Variants in EXOC6B observed in about 807,000 individuals in gnomAD.
EXOC6B encodes exocyst complex component 6B, also known as SEC15 homolog B.
EXOC6B carries 54 observed loss-of-function variants against 113.5 expected under a neutral mutation model. That is an observed-to-expected ratio of 0.48 (90% CI 0.38 to 0.60). The LOEUF (loss-of-function observed/expected upper bound fraction) is 0.60, where lower values mean the gene tolerates loss of function less well. Among genes scored for constraint, EXOC6B ranks in the 20% least tolerant of loss-of-function variants. The probability of loss-of-function intolerance (pLI) is 0.00; values close to 1 mark genes in which losing one functional copy is unlikely to be tolerated. For synonymous variants in EXOC6B, 357 were observed against 339.0 expected, an observed-to-expected ratio of 1.05 and a Z score of -0.58; for missense variants, 797 against 977.5, an observed-to-expected ratio of 0.82 and a Z score of 2.46.
intron 20 of EXOC6B, among the ~76,000 whole-genome samples, chr2:72,235,201 G>A (rs767532262): frequency 1.3e-5 from 2 of 152,158 alleles, no homozygotes; most frequent in Non-Finnish European, 2.9e-5. Flanking sequence ...TATACACCAT[G>A]GAATACTATG....
At chr2:72,559,570 G>A (rs1229259496) in intron 7 of EXOC6B, 49 bp from the exon 8 acceptor site, 2 of 1,467,566 alleles carry the variant, frequency 1.4e-6, no homozygotes, top group African/African-American at 2.8e-5. Context: ...GCTATTAAAA[G>A]CAACTACATT....
At chr2:72,409,892 T>TA (rs969984830) in intron 18 of EXOC6B, among the ~76,000 whole-genome samples, 4 of 151,904 alleles carry the variant, frequency 2.6e-5, no homozygotes, top group Middle Eastern at 3.4e-3. Flanking sequence ...TGTATACCAA[T>TA]AAAAAAAACT....
intron 8 of EXOC6B, among the ~76,000 whole-genome samples, chr2:72,541,981 T>C (rs1022965807): frequency 4.6e-5 from 7 of 152,158 alleles, no homozygotes; most frequent in African/African-American, 1.4e-4. Flanking sequence ...GCTGACCTCA[T>C]TTTCACACTG....
intron 1 of EXOC6B, among the ~76,000 whole-genome samples, chr2:72,768,838 C>T (rs991921652): frequency 6.6e-6 from 1 of 152,052 alleles, no homozygotes; most frequent in Non-Finnish European, 1.5e-5. Context: ...CTTGGCCAGC[C>T]GTGGTAGTTC....
At chr2:72,366,804 A>T (rs927776052) in intron 19 of EXOC6B, among the ~76,000 whole-genome samples, 2 of 151,880 alleles carry the variant, frequency 1.3e-5, no homozygotes, top group Non-Finnish European at 2.9e-5. Context: ...GAAAAAAAAA[A>T]CCCTATTAAC....
At chr2:72,515,770 T>C in intron 8 of EXOC6B, 1 of 978,026 alleles carries the variant, frequency 1.0e-6, no homozygotes, top group Non-Finnish European at 1.2e-6. Context: ...TTTCTCCAAA[T>C]TCATGTCCTT....
intron 6 of EXOC6B, among the ~76,000 whole-genome samples, chr2:72,698,092 G>T (rs1204645941): frequency 6.6e-6 from 1 of 152,166 alleles, no homozygotes; most frequent in Non-Finnish European, 1.5e-5. Context: ...GCCAATGAAA[G>T]GAGAACCTTG....
At chr2:72,246,556 G>A (rs948785702) in intron 20 of EXOC6B, among the ~76,000 whole-genome samples, 16 of 144,460 alleles carry the variant, frequency 1.1e-4, no homozygotes, top group Non-Finnish European at 2.1e-4. Flanking sequence ...TGCCCAGCCT[G>A]GAGTGCAGTG....
At chr2:72,698,040 A>T (rs1233981829) in intron 6 of EXOC6B, among the ~76,000 whole-genome samples, 1 of 152,342 alleles carries the variant, frequency 6.6e-6, no homozygotes, top group East Asian at 1.9e-4. Flanking sequence ...GAAGAAAAGC[A>T]TGTGGTGGTT....
At chr2:72,366,125 A>C (rs1690612811) in intron 19 of EXOC6B, among the ~76,000 whole-genome samples, 1 of 152,184 alleles carries the variant, frequency 6.6e-6, no homozygotes, top group South Asian at 2.1e-4. Flanking sequence ...AATATCAATA[A>C]CCTGGAAAAT....
intron 1 of EXOC6B, among the ~76,000 whole-genome samples, chr2:72,758,273 C>T (rs1682559535): frequency 6.6e-6 from 1 of 151,650 alleles, no homozygotes; most frequent in African/African-American, 2.4e-5. Context: ...CTACAGAACC[C>T]ATAAGTTAAT....
rs114871133 is a variant in EXOC6B at position 72,574,371 on chromosome 2, C to T, written c.846+1121G>A. 3.3e-3 allele frequency among the ~76,000 whole-genome samples: 503 copies of T among 152,212 alleles called. 3 individuals carry two copies. The highest frequency in any genetic ancestry group is 0.011 in the African/African-American group (477 of 41,542). On this transcript the variant is annotated intron_variant, in intron 7 of 21. Transcript: ENST00000272427. ...CAGAAACCAATGTTTTCTCACCACC[C>T]TTTAAGGAGCAGGGATTTGTGAAAT...
intron 18 of EXOC6B, among the ~76,000 whole-genome samples, chr2:72,415,750 G>A (rs1694482811): frequency 6.6e-6 from 1 of 152,088 alleles, no homozygotes. Flanking sequence ...TCATCACAAA[G>A]CGATTATGAT....
At chr2:72,745,536 A>T (rs1033991077) in intron 1 of EXOC6B, among the ~76,000 whole-genome samples, 3 of 152,150 alleles carry the variant, frequency 2.0e-5, no homozygotes, top group Non-Finnish European at 4.4e-5. Context: ...TTTGTGTTCC[A>T]TAGGTATGTT....
chr2:72,454,918 G>A (rs905489027), intron 18 of EXOC6B, among the ~76,000 whole-genome samples: 2 of 152,124 alleles, frequency 1.3e-5, no homozygotes, highest in African/African-American at 4.8e-5. Flanking sequence ...TTGATAAGAA[G>A]CAAATGTTTT....
At position 72,383,126 on chromosome 2, in the gene EXOC6B, C is replaced by T. The variant is rs113300765; in HGVS notation, c.1981-3256G>A. ...AGACCCTAAAAGCAATTGTAACAAA[C>T]GCAAAAACTGACAAATGGGATCTAA... On this transcript the variant is annotated intron_variant, in intron 18 of 21. Transcript: ENST00000272427. Among the ~76,000 whole-genome samples the T allele has an allele frequency of 4.2e-3, 636 of 152,112 alleles. 5 individuals are homozygous for T. Among genetic ancestry groups the T allele is most frequent in the Middle Eastern group, 0.01 (3 of 294 alleles).
At chr2:72,228,453 T>A (rs1681389276) in intron 20 of EXOC6B, among the ~76,000 whole-genome samples, 1 of 141,128 alleles carries the variant, frequency 7.1e-6, no homozygotes, top group Non-Finnish European at 1.5e-5. Flanking sequence ...GTGTGTGATG[T>A]TCCCCTTCCT....
At chr2:72,604,847 C>T (rs1175809990) in intron 6 of EXOC6B, among the ~76,000 whole-genome samples, 1 of 152,126 alleles carries the variant, frequency 6.6e-6, no homozygotes, top group Non-Finnish European at 1.5e-5. Context: ...TATTTCTTCC[C>T]CATTACTGAC....
At chr2:72,285,254 T>C (rs1291011347) in intron 20 of EXOC6B, among the ~76,000 whole-genome samples, 2 of 152,054 alleles carry the variant, frequency 1.3e-5, no homozygotes, top group Non-Finnish European at 2.9e-5. Context: ...CAGTGTGGTA[T>C]TGGTGAATAA....
Sources: allele counts gnomAD v4.1 joint callset (sites outside exome capture counted in the v4.1 genomes callset), GRCh38; gene constraint gnomAD v4.1.1; transcripts MANE v1.5; gene names NCBI Gene and HGNC (gene_info 2026-07-23, HGNC 2026-07-21).